Variants in EFL1 observed in about 807,000 individuals in gnomAD.
The protein encoded by EFL1 is elongation factor-like GTPase 1.
EFL1 carries 76 observed loss-of-function variants against 126.7 expected under a neutral mutation model. The ratio of observed to expected loss-of-function variants is 0.60; its 90% CI spans 0.50 to 0.73. The LOEUF is 0.73. Ranked by LOEUF, EFL1 falls within the 30% of genes least tolerant of loss-of-function variation. The pLI is 0.00. For missense variants in EFL1, 1,128 were observed against 1,343.2 expected, an observed-to-expected ratio of 0.84 and a Z score of 2.50; for synonymous variants, 410 against 448.4, an observed-to-expected ratio of 0.91 and a Z score of 1.08.
At position 82,152,074 on chromosome 15, in the gene EFL1, G is replaced by A; in HGVS notation, c.2380C>T (p.Gln794Ter). Residue 794 changes from glutamine to a stop codon, truncating the protein, a stop_gained, in exon 18 of 20, where the codon CAG becomes TAG. Transcript: ENST00000268206. LOFTEE classifies it high-confidence loss of function. ...NEGENTHMIH[Q>*]KTQEKIWEFK... The stretch of plus-strand genomic sequence containing the variant: ...TCCCAAATTTTCTCTTGGGTCTTCT[G>A]ATGAATCATGTGAGTATTTTCACCC... 1 of 1,614,106 alleles carries A rather than the reference G, an allele frequency of 6.2e-7. No homozygotes were observed. The highest frequency in any genetic ancestry group is 8.5e-7 in the Non-Finnish European group (1 of 1,180,032).
intron 15 of EFL1, among the ~76,000 whole-genome samples, chr15:82,166,823 T>C (rs977821367): frequency 6.6e-6 from 1 of 152,244 alleles, no homozygotes; most frequent in Non-Finnish European, 1.5e-5. Context: ...GTCCTTCTTT[T>C]TTCTAATTAA....
intron 16 of EFL1, 98 bp from the exon 17 acceptor site, chr15:82,157,958 A>G (rs2073985071): frequency 8.0e-7 from 1 of 1,244,776 alleles, no homozygotes; most frequent in Non-Finnish European, 1.1e-6. Flanking sequence ...ACATTGAAAT[A>G]AACTCTTAAA....
At chr15:82,205,834 T>C (rs2074518904) in intron 15 of EFL1, among the ~76,000 whole-genome samples, 1 of 152,272 alleles carries the variant, frequency 6.6e-6, no homozygotes, top group South Asian at 2.1e-4. Flanking sequence ...GTTATTAGAT[T>C]ATGAAGCTGT....
At position 82,225,379 on chromosome 15, in the gene EFL1, A is replaced by G. The variant is rs369958791; in HGVS notation, c.1193-115T>C. On this transcript the variant is annotated intron_variant, in intron 11 of 19. Coordinates refer to ENST00000268206, the MANE Select transcript of EFL1 (RefSeq NM_024580.6). ...AACATGGATGGCATCATCAAAATAC[A>G]CCAGAAGTCCATAACTTTTTCCAAC... is the stretch of plus-strand genomic sequence containing the variant. 34 of 701,974 alleles carry G rather than the reference A, an allele frequency of 4.8e-5. No homozygotes were observed. In the African/African-American group the frequency reaches 6.0e-4, roughly 12 times the overall value. The allele number at this position is 701,974 out of a possible 1,614,324, so 43.5% of individuals were successfully genotyped here. A position where few individuals can be genotyped will look rare whatever the true frequency, so the allele number is the denominator to read the frequency against.
chr15:82,130,386 CT>C lies in EFL1; in HGVS notation c.3349del (p.Ser1117AlafsTer43). The C allele has an allele frequency of 6.2e-7, 1 of 1,613,680 alleles. No homozygotes were observed. Among genetic ancestry groups the C allele is most frequent in the Non-Finnish European group, 8.5e-7 (1 of 1,179,900 alleles). ...VEHAEKQRTL[S>X]KNK ...AGTAGTAGGTAGCTACTTATTTTTG[CT>C]GAGTGTCCTCTGCTTTTCTGCATGC... is the stretch of plus-strand genomic sequence containing the variant. On this transcript the variant is annotated frameshift_variant, in exon 20 of 20. Coordinates refer to ENST00000268206, the MANE Select transcript of EFL1 (RefSeq NM_024580.6). LOFTEE classifies it high-confidence loss of function.
intron 19 of EFL1, among the ~76,000 whole-genome samples, chr15:82,135,362 A>G (rs1332065097): frequency 6.6e-6 from 1 of 152,190 alleles, no homozygotes; most frequent in Non-Finnish European, 1.5e-5. Context: ...TCAGGTAACA[A>G]AAACTGCCTA....
At chr15:82,201,752 A>C (rs1397029700) in intron 15 of EFL1, among the ~76,000 whole-genome samples, 2 of 148,920 alleles carry the variant, frequency 1.3e-5, no homozygotes, top group Admixed American at 6.7e-5. Context: ...TCTACCCCAC[A>C]CAGCTAATGG....
At chr15:82,133,826 C>T (rs1298593932) in intron 19 of EFL1, among the ~76,000 whole-genome samples, 2 of 151,998 alleles carry the variant, frequency 1.3e-5, no homozygotes, top group Non-Finnish European at 2.9e-5. Context: ...TCCTCATATG[C>T]GAGGAAACAG....
At chr15:82,146,610 G>GAAA (rs11345305) in intron 18 of EFL1, among the ~76,000 whole-genome samples, 1 of 128,850 alleles carries the variant, frequency 7.8e-6, no homozygotes, top group African/African-American at 2.9e-5. Flanking sequence ...ATCAATTCGA[G>GAAA]AAAAAAAAAA....
chr15:82,132,415 C>CA (rs550414057), intron 19 of EFL1, among the ~76,000 whole-genome samples: 8 of 151,852 alleles, frequency 5.3e-5, no homozygotes, highest in South Asian at 2.1e-4. Flanking sequence ...ATCAGCGAAC[C>CA]AAAAAAAGCC....
At chr15:82,204,027 C>CA (rs1289462696) in intron 15 of EFL1, among the ~76,000 whole-genome samples, 1 of 152,166 alleles carries the variant, frequency 6.6e-6, no homozygotes, top group Non-Finnish European at 1.5e-5. Flanking sequence ...CAACAGTTTA[C>CA]AAATGTTTGA....
At chr15:82,222,812 A>T (rs2074725672) in intron 12 of EFL1, among the ~76,000 whole-genome samples, 1 of 152,236 alleles carries the variant, frequency 6.6e-6, no homozygotes, top group Admixed American at 6.5e-5. Context: ...TAGTTAAACT[A>T]ACCATGGATG....
At chr15:82,140,985 C>G (rs917077956) in intron 18 of EFL1, among the ~76,000 whole-genome samples, 2 of 152,220 alleles carry the variant, frequency 1.3e-5, no homozygotes, top group Non-Finnish European at 2.9e-5. Flanking sequence ...AAGTTTCTGA[C>G]CATCAGTCCT....
At position 82,229,049 on chromosome 15, in the gene EFL1, T is replaced by C. The variant is rs752935022; in HGVS notation, c.917A>G (p.Asp306Gly). The C allele has an allele frequency of 2.5e-6, 4 of 1,611,928 alleles. No homozygotes were observed. The African/African-American group carries it at 5.3e-5, about 22-fold the overall frequency. Reference sequence around the variant, plus strand: ...AGAGTCTTACTTTTTCAAAACAGCATCATACAAACTCCATATATTTTCCAG... The same window carrying C: ...AGAGTCTTACTTTTTCAAAACAGCACCATACAAACTCCATATATTTTCCAG... ...LILENIWSLY[D>G]AVLKKDKDKI... Residue 306 changes from aspartate to glycine, a missense_variant, in exon 9 of 20, where the codon GAT (aspartate) becomes GGT (glycine). Transcript: ENST00000268206.
chr15:82,159,803 A>C (rs1225288926), intron 16 of EFL1: 2 of 152,256 alleles, frequency 1.3e-5, no homozygotes, highest in African/African-American at 2.4e-5. Flanking sequence ...TAAAATGGAT[A>C]ACGTGACTTA....
At chr15:82,223,087 C>T (rs2074728348) in intron 12 of EFL1, among the ~76,000 whole-genome samples, 1 of 152,116 alleles carries the variant, frequency 6.6e-6, no homozygotes, top group Admixed American at 6.5e-5. Context: ...GCGCCGAATC[C>T]TGTTTCCTGC....
intron 19 of EFL1, among the ~76,000 whole-genome samples, chr15:82,136,296 C>A (rs2073721385): frequency 1.3e-5 from 2 of 152,108 alleles, no homozygotes; most frequent in South Asian, 4.1e-4. Flanking sequence ...TAACCTACAT[C>A]CTCTTTGTTC....
chr15:82,247,070 G>A (rs2074979371), intron 4 of EFL1, among the ~76,000 whole-genome samples: 1 of 152,096 alleles, frequency 6.6e-6, no homozygotes, highest in South Asian at 2.1e-4. Context: ...TCAGTGAAAT[G>A]ACAAATCTGG....
chr15:82,151,577 T>C lies in EFL1; in HGVS notation c.2877A>G (p.Gly959=), dbSNP rs2073908064. The C allele has an allele frequency of 1.2e-6, 2 of 1,614,170 alleles. No individual in the cohort carries two copies. Among genetic ancestry groups the C allele is most frequent in the Non-Finnish European group, 1.7e-6 (2 of 1,180,018 alleles). Residue 959 remains glycine (G), a synonymous_variant, in exon 18 of 20, where the codon GGA becomes GGG. Transcript: ENST00000268206. ...PLTDCYGPFS[G]QLIATMKEAC... ...CTTCTTTCATGGTGGCAATTAGCTG[T>C]CCTGAGAAAGGTCCATAGCAGTCAG...
Sources: allele counts gnomAD v4.1 joint callset (sites outside exome capture counted in the v4.1 genomes callset), GRCh38; gene constraint gnomAD v4.1.1; transcripts MANE v1.5; gene names NCBI Gene and HGNC (gene_info 2026-07-23, HGNC 2026-07-21).